GSTA3: variants seen among roughly 807,000 people sequenced by gnomAD.
The protein encoded by GSTA3 is glutathione S-transferase A3.
GSTA3 carries 16 observed loss-of-function variants against 23.1 expected under a neutral mutation model. The ratio of observed to expected loss-of-function variants is 0.69; its 90% CI spans 0.47 to 1.05. The LOEUF is 1.05. Ranked by LOEUF, GSTA3 falls within the 50% of genes least tolerant of loss-of-function variation. The pLI is 0.00. For missense variants in GSTA3, 319 were observed against 263.6 expected, an observed-to-expected ratio of 1.21 and a Z score of -1.46; for synonymous variants, 122 against 91.0, an observed-to-expected ratio of 1.34 and a Z score of -1.94.
chr6:52,897,991 GC>G, intron 5 of GSTA3, 35 bp from the exon 6 acceptor site: 2 of 1,612,752 alleles, frequency 1.2e-6, no homozygotes, highest in Non-Finnish European at 1.7e-6. Context: ...AGGAATACAT[GC>G]GCACCCAGGA....
At position 52,901,295 on chromosome 6, in the gene GSTA3, T is replaced by C. The variant is rs45507196; in HGVS notation, c.272+1051A>G. On this transcript the variant is annotated intron_variant, in intron 4 of 6. Coordinates refer to ENST00000211122, the MANE Select transcript of GSTA3 (RefSeq NM_000847.5). ...ATTCATTTTCCCCAAACCCCAAACC[T>C]TTTAGCTTCAGGCAACCACTAGTCT... Among the ~76,000 whole-genome samples, 1,304 of 152,308 alleles carry C rather than the reference T, an allele frequency of 8.6e-3. 21 individuals are homozygous for C. The highest frequency in any genetic ancestry group is 0.029 in the African/African-American group (1,194 of 41,580).
rs931649070 is a variant in GSTA3, at chr6:52,900,134, A to G, written c.273-59T>C. ...CTCTTGCCTTAGATTTTGTAGGTTT[A>G]TAAAAACCTAAGAGAATAGAGGGTC... On this transcript the variant is annotated intron_variant, in intron 4 of 6. Coordinates refer to ENST00000211122, the MANE Select transcript of GSTA3 (RefSeq NM_000847.5). 8.9e-6 allele frequency: 13 copies of G among 1,464,612 alleles called. No homozygotes were observed. The Admixed American group carries it at 1.0e-4, about 12-fold the overall frequency. The allele number at this position is 1,464,612 out of a possible 1,614,324, so 90.7% of individuals were successfully genotyped here.
chr6:52,899,295 CCTAT>C (rs1765586118), intron 5 of GSTA3, among the ~76,000 whole-genome samples: 1 of 152,120 alleles, frequency 6.6e-6, no homozygotes, highest in Non-Finnish European at 1.5e-5. Context: ...ATTTAGAACT[CCTAT>C]CTAACAGGGT....
At chr6:52,899,184 G>A (rs921317829) in intron 5 of GSTA3, among the ~76,000 whole-genome samples, 1 of 152,110 alleles carries the variant, frequency 6.6e-6, no homozygotes, top group African/African-American at 2.4e-5. Flanking sequence ...ATGAGTCAGG[G>A]TGGAGTAGGT....
Position 52,900,089 on chromosome 6 carries a change from A to G in GSTA3, c.273-14T>C. On this transcript the variant is annotated splice_polypyrimidine_tract_variant and intron_variant, in intron 4 of 6. Coordinates refer to ENST00000211122, the MANE Select transcript of GSTA3 (RefSeq NM_000847.5). The stretch of plus-strand genomic sequence containing the variant: ...TACATATCAATTCTGAAAGACAAAA[A>G]CAGCCAAAGCATCAAATGCCTCTTG... The G allele has an allele frequency of 1.3e-6, 2 of 1,592,470 alleles. No individual in the cohort carries two copies. Among genetic ancestry groups the G allele is most frequent in the Non-Finnish European group, 1.7e-6 (2 of 1,172,094 alleles).
chr6:52,905,776 C>A lies in GSTA3; in HGVS notation c.59G>T (p.Arg20Leu), dbSNP rs141510758. The change falls in exon 2 of 7, where the codon CGG becomes CTG. Residue 20 changes from arginine to leucine, a missense_variant. Coordinates refer to ENST00000211122, the MANE Select transcript of GSTA3 (RefSeq NM_000847.5). Reference sequence around the variant, plus strand: ...CACTCCAGCTGCAGCCAAGAGCCACCGGATGGGCTCCATTCTGCCCCGTCC... The same window carrying A: ...CACTCCAGCTGCAGCCAAGAGCCACAGGATGGGCTCCATTCTGCCCCGTCC... ...FNGRGRMEPIRWLLAAAGVEF... is the reference protein window; with the variant it reads ...FNGRGRMEPILWLLAAAGVEF... The A allele has an allele frequency of 2.5e-6, 4 of 1,608,670 alleles. No homozygotes were observed. The highest frequency in any genetic ancestry group is 3.4e-6 in the Non-Finnish European group (4 of 1,176,440).
Position 52,896,799 on chromosome 6 carries a change from T to C in GSTA3, c.*7A>G, listed in dbSNP as rs45451796. 1.1e-3 allele frequency: 1,771 copies of C among 1,613,938 alleles called. 14 individuals are homozygous for C. In the African/African-American group the frequency reaches 0.02, roughly 19 times the overall value. Reference sequence around the variant, plus strand: ...CTTGCATGTTCTTAGCCTCCATGGCTGCTTTATTAAAACCTGAAAATCTTT... The same window carrying C: ...CTTGCATGTTCTTAGCCTCCATGGCCGCTTTATTAAAACCTGAAAATCTTT... On this transcript the variant is annotated 3_prime_UTR_variant, in exon 7 of 7. Transcript: ENST00000211122.
intron 6 of GSTA3, among the ~76,000 whole-genome samples, chr6:52,897,360 T>G (rs1417720141): frequency 6.6e-6 from 1 of 152,012 alleles, no homozygotes; most frequent in Non-Finnish European, 1.5e-5. Flanking sequence ...AGATACAGGG[T>G]TGGGGGCAGT....
intron 5 of GSTA3, 148 bp from the exon 6 acceptor site, chr6:52,898,104 T>C (rs1765524981): frequency 3.4e-6 from 3 of 886,122 alleles, no homozygotes; most frequent in African/African-American, 1.7e-5. Context: ...TGTTCCCTGA[T>C]TGAGTGAGGG....
At chr6:52,907,572 C>A (rs1225704948) in intron 1 of GSTA3, among the ~76,000 whole-genome samples, 2 of 150,402 alleles carry the variant, frequency 1.3e-5, no homozygotes, top group East Asian at 3.9e-4. Flanking sequence ...TGGAACCAAC[C>A]CAAATGTCCA....
At chr6:52,907,716 C>A (rs551549512) in intron 1 of GSTA3, among the ~76,000 whole-genome samples, 1 of 151,192 alleles carries the variant, frequency 6.6e-6, no homozygotes, top group Non-Finnish European at 1.5e-5. Flanking sequence ...AGCAAACTAT[C>A]GCAAGGACAA....
At position 52,902,473 on chromosome 6, in the gene GSTA3, T is replaced by G; in HGVS notation, c.145A>C (p.Ser49Arg). The part of the protein sequence containing the change: ...EDLGKLRNDG[S>R]LMFQQVPMVE... ...ATTGGTACTTGCTGGAACATCAAACTCCCATCTTTAGAAAGAAGGAAAAAA... is the reference window on the plus strand; with the variant it reads ...ATTGGTACTTGCTGGAACATCAAACGCCCATCTTTAGAAAGAAGGAAAAAA... The change falls in exon 4 of 7, where the codon AGT becomes CGT. Residue 49 changes from serine (S) to arginine (R), a missense_variant. By Grantham distance (110) the Ser-to-Arg change is moderately radical. Coordinates refer to ENST00000211122, the MANE Select transcript of GSTA3 (RefSeq NM_000847.5). 1 of 1,604,558 alleles carries G rather than the reference T, an allele frequency of 6.2e-7. No homozygotes were observed. The highest frequency in any genetic ancestry group is 8.5e-7 in the Non-Finnish European group (1 of 1,177,324).
intron 6 of GSTA3, among the ~76,000 whole-genome samples, 158 bp from the exon 7 acceptor site, chr6:52,897,086 T>C (rs916581228): frequency 1.3e-5 from 2 of 152,190 alleles, no homozygotes; most frequent in Non-Finnish European, 2.9e-5. Context: ...TAAATGAAGA[T>C]AAGAGGAAGA....
intron 1 of GSTA3, among the ~76,000 whole-genome samples, chr6:52,906,412 G>T (rs9463844): frequency 0.037 from 5,692 of 152,104 alleles, 319 homozygotes; most frequent in African/African-American, 0.13. Context: ...GCCTGCAGAC[G>T]TTACCATTTT....
chr6:52,907,737 C>A (rs1256432690), intron 1 of GSTA3, among the ~76,000 whole-genome samples: 1 of 150,052 alleles, frequency 6.7e-6, no homozygotes, highest in Non-Finnish European at 1.5e-5. Context: ...AAAAACCAAA[C>A]ACCGCATGTT....
chr6:52,902,456 T>G lies in GSTA3; in HGVS notation c.162A>C (p.Gln54His). The G allele has an allele frequency of 6.2e-7, 1 of 1,611,108 alleles. No individual in the cohort carries two copies. Among genetic ancestry groups the G allele is most frequent in the East Asian group, 2.2e-5 (1 of 44,864 alleles). The change falls in exon 4 of 7, where the codon CAA becomes CAC. Residue 54 changes from glutamine to histidine, a missense_variant. Physicochemically the swap from Gln to His is conservative, Grantham distance 24. Coordinates refer to ENST00000211122, the MANE Select transcript of GSTA3 (RefSeq NM_000847.5). The part of the protein sequence containing the change: ...LRNDGSLMFQ[Q>H]VPMVEIDGMK... ...TCCCATCAATCTCAACCATTGGTACTTGCTGGAACATCAAACTCCCATCTT... is the reference window on the plus strand; with the variant it reads ...TCCCATCAATCTCAACCATTGGTACGTGCTGGAACATCAAACTCCCATCTT...
intron 2 of GSTA3, among the ~76,000 whole-genome samples, chr6:52,904,520 G>A (rs1420259790): frequency 2.6e-5 from 4 of 152,160 alleles, no homozygotes; most frequent in African/African-American, 7.2e-5. Context: ...TGAAGCATTG[G>A]AGAAAGTGCC....
chr6:52,903,705 G>A lies in GSTA3; in HGVS notation c.110C>T (p.Ser37Phe). ...GVEFEEKFIGSAEDLGKLRND... is the reference protein window; with the variant it reads ...GVEFEEKFIGFAEDLGKLRND... ...TCTTAACTTTCCCAAATCTTCTGCAGATCCTATAAATTTCTCTTCAAACTG... is the reference window on the plus strand; with the variant it reads ...TCTTAACTTTCCCAAATCTTCTGCAAATCCTATAAATTTCTCTTCAAACTG... Residue 37 changes from serine to phenylalanine, a missense_variant, in exon 3 of 7, where the codon TCT becomes TTT. Ser to Phe is a radical substitution (Grantham distance 155). Transcript: ENST00000211122. The A allele has an allele frequency of 6.3e-7, 1 of 1,593,582 alleles. No individual in the cohort carries two copies. Among genetic ancestry groups the A allele is most frequent in the Non-Finnish European group, 8.6e-7 (1 of 1,161,874 alleles).
At chr6:52,901,783 G>A (rs886637248) in intron 4 of GSTA3, among the ~76,000 whole-genome samples, 2 of 152,178 alleles carry the variant, frequency 1.3e-5, no homozygotes, top group Non-Finnish European at 2.9e-5. Flanking sequence ...GCTGGTATTC[G>A]ATAAATCTAG....
Sources: gnomAD v4.1 joint callset for allele counts (sites outside exome capture counted in the v4.1 genomes callset) on GRCh38, gnomAD v4.1.1 for gene constraint, MANE v1.5 for transcripts, NCBI Gene and HGNC (gene_info 2026-07-23, HGNC 2026-07-21) for gene names.